The following BTBD9 variants were observed in gnomAD, a reference collection of about 807,000 sequenced individuals.
BTBD9 encodes the protein BTB domain containing 9, also known as BTB/POZ domain-containing protein 9.
BTBD9 carries 49 observed loss-of-function variants against 64.3 expected under a neutral mutation model. The observed-to-expected ratio is 0.76, with a 90% CI of 0.61 to 0.97. BTBD9 has a LOEUF of 0.97. Among genes scored for constraint, BTBD9 ranks in the 50% least tolerant of loss-of-function variants. The pLI is 0.00. For synonymous variants in BTBD9, 260 were observed against 274.7 expected (o/e 0.95, Z 0.53); for missense variants, 598 against 762.1 (o/e 0.78, Z 2.53).
chr6:38,401,596 C>A (rs1322248999), intron 6 of BTBD9, among the ~76,000 whole-genome samples: 1 of 152,166 alleles, frequency 6.6e-6, no homozygotes, highest in African/African-American at 2.4e-5. Flanking sequence ...GGTAAAGAGA[C>A]AAGAAGTAGA....
In BTBD9 at chr6:38,466,453, G is replaced by A. The variant is rs374036342; in HGVS notation, c.1154+111147C>T. 1.3e-4 allele frequency among the ~76,000 whole-genome samples: 20 copies of A among 151,954 alleles called. No individual in the cohort carries two copies. The South Asian group carries it at 4.0e-3, about 30-fold the overall frequency. ...ACTATAGGCATGTATCACTACGCCT[G>A]ACTAATTTTGCATTTTTTTAGTAGA... On this transcript the variant is annotated intron_variant, in intron 6 of 10. Coordinates refer to ENST00000481247, the MANE Select transcript of BTBD9 (RefSeq NM_001099272.2).
At chr6:38,247,880 C>T (rs1764265058) in intron 9 of BTBD9, among the ~76,000 whole-genome samples, 1 of 151,994 alleles carries the variant, frequency 6.6e-6, no homozygotes, top group African/African-American at 2.4e-5. Context: ...GCATATGCTA[C>T]TCAAATAATG....
intron 6 of BTBD9, among the ~76,000 whole-genome samples, chr6:38,415,401 T>A (rs1239817162): frequency 2.6e-5 from 4 of 152,148 alleles, no homozygotes; most frequent in Non-Finnish European, 5.9e-5. Flanking sequence ...ATGGGTAGCC[T>A]CTAGAGTCTG....
intron 6 of BTBD9, among the ~76,000 whole-genome samples, chr6:38,390,000 G>A (rs1007580129): frequency 3.3e-5 from 5 of 152,084 alleles, no homozygotes; most frequent in East Asian, 1.9e-4. Context: ...TATAAAATAC[G>A]AGGTTATAGG....
intron 6 of BTBD9, among the ~76,000 whole-genome samples, chr6:38,491,537 T>C (rs1471473973): frequency 6.6e-6 from 1 of 152,228 alleles, no homozygotes; most frequent in East Asian, 1.9e-4. Context: ...TATTTATCCT[T>C]TCCATTTTAT....
intron 7 of BTBD9, among the ~76,000 whole-genome samples, chr6:38,303,234 T>C (rs1202208782): frequency 1.3e-5 from 2 of 152,160 alleles, no homozygotes; most frequent in Non-Finnish European, 2.9e-5. Flanking sequence ...TCATGAAGCA[T>C]TTCCCCCATG....
intron 6 of BTBD9, among the ~76,000 whole-genome samples, chr6:38,469,405 G>A (rs888244590): frequency 2.8e-5 from 4 of 141,580 alleles, no homozygotes; most frequent in African/African-American, 7.8e-5. Context: ...TGCAACCTCC[G>A]CCTCCTGGGT....
intron 6 of BTBD9, among the ~76,000 whole-genome samples, chr6:38,471,920 CT>C (rs1270536066): frequency 6.6e-6 from 1 of 152,152 alleles, no homozygotes; most frequent in Non-Finnish European, 1.5e-5. Flanking sequence ...ATGATTGCCT[CT>C]TTTGAGTTGA....
At chr6:38,437,025 T>A (rs12528414) in intron 6 of BTBD9, among the ~76,000 whole-genome samples, 10,574 of 152,278 alleles carry the variant, frequency 0.069, 729 homozygotes, top group African/African-American at 0.17. Flanking sequence ...CCTCCTAATG[T>A]TGCACAATCA....
chr6:38,338,786 C>T (rs892174026), intron 7 of BTBD9, among the ~76,000 whole-genome samples: 8 of 152,008 alleles, frequency 5.3e-5, no homozygotes, highest in African/African-American at 1.9e-4. Context: ...TCTCTATTCA[C>T]CTAGAAGACT....
chr6:38,592,560 A>C lies in BTBD9; in HGVS notation c.814+16T>G. 1 of 1,612,560 alleles carries C rather than the reference A, an allele frequency of 6.2e-7. No homozygotes were observed. The highest frequency in any genetic ancestry group is 1.1e-5 in the South Asian group (1 of 91,026). On this transcript the variant is annotated intron_variant, in intron 4 of 10. Transcript: ENST00000481247. ...ACCAAGCTTCTTGGTTGAGTTTAGG[A>C]TAGACAGGTACTTACTGAGCATGCC...
chr6:38,323,885 C>T, intron 7 of BTBD9, among the ~76,000 whole-genome samples: 1 of 152,046 alleles, frequency 6.6e-6, no homozygotes, highest in Admixed American at 6.6e-5. Flanking sequence ...GCTGCTGGAG[C>T]CCAGGAGTTC....
At chr6:38,520,814 G>A (rs1202012069) in intron 6 of BTBD9, among the ~76,000 whole-genome samples, 2 of 151,952 alleles carry the variant, frequency 1.3e-5, no homozygotes, top group East Asian at 1.9e-4. Context: ...AGGCCTGGTG[G>A]CGCATGCTTG....
At chr6:38,581,755 G>C (rs190191823) in intron 4 of BTBD9, among the ~76,000 whole-genome samples, 13 of 150,606 alleles carry the variant, frequency 8.6e-5, no homozygotes, top group Admixed American at 1.3e-4. Flanking sequence ...TCAATGGGGT[G>C]GGGGGGAGAC....
intron 9 of BTBD9, 23 bp downstream of exon 9, chr6:38,256,386 A>G (rs531000816): frequency 1.9e-6 from 3 of 1,546,758 alleles, no homozygotes; most frequent in South Asian, 2.2e-5. Flanking sequence ...ATAGGAATAA[A>G]TTCCTGAAAA....
intron 7 of BTBD9, among the ~76,000 whole-genome samples, chr6:38,333,750 T>C (rs1763771031): frequency 6.6e-6 from 1 of 152,206 alleles, no homozygotes; most frequent in African/African-American, 2.4e-5. Flanking sequence ...ACCTCTTTTC[T>C]TTATAAATTA....
intron 6 of BTBD9, among the ~76,000 whole-genome samples, chr6:38,359,287 TTC>T (rs1447181711): frequency 6.6e-6 from 1 of 152,132 alleles, no homozygotes; most frequent in Non-Finnish European, 1.5e-5. Flanking sequence ...AACATTCAAA[TTC>T]TACACAGCAC....
chr6:38,578,355 G>A (rs1187708083), intron 5 of BTBD9, among the ~76,000 whole-genome samples: 24 of 152,278 alleles, frequency 1.6e-4, no homozygotes, highest in Non-Finnish European at 1.2e-4. Flanking sequence ...TGGCAGTAAC[G>A]AAAACAGCCT....
intron 6 of BTBD9, among the ~76,000 whole-genome samples, chr6:38,535,773 A>C (rs775239880): frequency 5.3e-5 from 8 of 152,166 alleles, no homozygotes; most frequent in Non-Finnish European, 1.0e-4. Flanking sequence ...CAGTATCTTC[A>C]ATAAATGGTG....
Sources: allele counts gnomAD v4.1 joint callset (sites outside exome capture counted in the v4.1 genomes callset), GRCh38; gene constraint gnomAD v4.1.1; transcripts MANE v1.5; gene names NCBI Gene and HGNC (gene_info 2026-07-23, HGNC 2026-07-21).